Variants in DHRS2 observed in about 807,000 individuals in gnomAD.
The protein encoded by DHRS2 is dehydrogenase/reductase SDR family member 2, mitochondrial.
DHRS2 carries 29 observed loss-of-function variants against 26.3 expected under a neutral mutation model. That is an observed-to-expected ratio of 1.10 (90% CI 0.82 to 1.50). The LOEUF is 1.50. Ranked by LOEUF, DHRS2 falls within the 40% of genes most tolerant of loss-of-function variation. The pLI is 0.00. For missense variants in DHRS2, 439 were observed against 367.1 expected, an observed-to-expected ratio of 1.20 and a Z score of -1.60; for synonymous variants, 164 against 151.3, an observed-to-expected ratio of 1.08 and a Z score of -0.62.
In DHRS2 at chr14:23,645,423, TA is replaced by T; in HGVS notation, c.*171del. The stretch of plus-strand genomic sequence containing the variant: ...AAGAAAAACGCTTCGGCATTCTCCT[TA>T]GGACTTATCTGCTTGTAGATTTGGC... On this transcript the variant is annotated 3_prime_UTR_variant, in exon 9 of 9. Transcript: ENST00000250383. The T allele has an allele frequency of 1.4e-6, 2 of 1,383,172 alleles. No individual in the cohort carries two copies. The highest frequency in any genetic ancestry group is 2.0e-6 in the Non-Finnish European group (2 of 1,021,348). 85.7% of individuals were successfully genotyped at this position (1,383,172 alleles called of 1,614,324 possible). A position where few individuals can be genotyped will look rare whatever the true frequency, so the allele number is the denominator to read the frequency against.
chr14:23,643,042 A>C lies in DHRS2; in HGVS notation c.421-110A>C, dbSNP rs1044075919. On this transcript the variant is annotated intron_variant, in intron 4 of 8. Transcript: ENST00000250383. The stretch of plus-strand genomic sequence containing the variant: ...AGGGGGATTGGTTTCTCTTATATGC[A>C]CATACATTGGGTCTACTGCACAAAT... The C allele has an allele frequency of 5.9e-6, 6 of 1,015,502 alleles. No individual in the cohort carries two copies. The African/African-American group carries it at 7.9e-5, about 13-fold the overall frequency. The allele number at this position is 1,015,502 out of a possible 1,614,324, so 62.9% of individuals were successfully genotyped here. A position where few individuals can be genotyped will look rare whatever the true frequency, so the allele number is the denominator to read the frequency against.
At chr14:23,643,280 AC>A in intron 5 of DHRS2, 61 bp downstream of exon 5, 1 of 1,495,850 alleles carries the variant, frequency 6.7e-7, no homozygotes, top group East Asian at 2.3e-5. Flanking sequence ...GCACAGAAAT[AC>A]AGTCGGTAGC....
rs1024198654 is a variant in DHRS2 at position 23,639,372 on chromosome 14, G to A, written c.318+16G>A. 12 of 1,554,928 alleles carry A rather than the reference G, an allele frequency of 7.7e-6. No homozygotes were observed. The highest frequency in any genetic ancestry group is 6.8e-5 in the African/African-American group (5 of 73,080). On this transcript the variant is annotated intron_variant, in intron 3 of 8. Transcript: ENST00000250383. The stretch of plus-strand genomic sequence containing the variant: ...GGTGGCCAAGGTGAGGGGGCAGGCG[G>A]TGGAAGGACACAGAGAGGGGAACAT...
rs575524227 is a variant in DHRS2, at chr14:23,643,239, G to A, written c.488+20G>A. 3.8e-5 allele frequency: 62 copies of A among 1,613,024 alleles called. 1 individual carries two copies. In the South Asian group the frequency reaches 6.0e-4, roughly 16 times the overall value. ...GAACAGGTATGGCAGGGCGGGGGTGGGGACCAGTCGGAGTTGGGGACCTGA... is the reference window on the plus strand; with the variant it reads ...GAACAGGTATGGCAGGGCGGGGGTGAGGACCAGTCGGAGTTGGGGACCTGA... On this transcript the variant is annotated intron_variant, in intron 5 of 8. Transcript: ENST00000250383.
At chr14:23,641,683 C>A in intron 4 of DHRS2, 1 of 1,289,812 alleles carries the variant, frequency 7.8e-7, no homozygotes. Context: ...AGGGTGGTAC[C>A]CACTTCTGAC....
At chr14:23,633,277 CTG>C (rs1274709025), upstream of DHRS2, among the ~76,000 whole-genome samples, 2 of 152,200 alleles carry the variant, frequency 1.3e-5, no homozygotes, top group Non-Finnish European at 2.9e-5. Flanking sequence ...GCCTGGATGT[CTG>C]TGGCTGGTTT....
At chr14:23,635,098 T>C (rs958112249), upstream of DHRS2, among the ~76,000 whole-genome samples, 2 of 151,974 alleles carry the variant, frequency 1.3e-5, no homozygotes, top group African/African-American at 4.8e-5. Flanking sequence ...GGTCTTGCTC[T>C]CTCTCCCAGG....
At chr14:23,637,426 C>T (rs937462466) in intron 1 of DHRS2, among the ~76,000 whole-genome samples, 1 of 152,150 alleles carries the variant, frequency 6.6e-6, no homozygotes, top group South Asian at 2.1e-4. Context: ...AAAAGCTATT[C>T]CTGAAGCTAG....
At chr14:23,640,103 C>A in intron 4 of DHRS2, 1 of 705,360 alleles carries the variant, frequency 1.4e-6, no homozygotes, top group Non-Finnish European at 2.0e-6. Context: ...CTGGCCCCCA[C>A]ACTTTCTGCT....
At chr14:23,644,320 G>C (rs1445140809) in intron 6 of DHRS2, 89 bp from the exon 7 acceptor site, 10 of 1,585,384 alleles carry the variant, frequency 6.3e-6, no homozygotes, top group Non-Finnish European at 8.6e-6. Context: ...AGGGCTGCTG[G>C]GCCTGTGAGA....
intron 1 of DHRS2, among the ~76,000 whole-genome samples, chr14:23,637,548 T>G (rs981605493): frequency 8.5e-5 from 13 of 152,212 alleles, no homozygotes; most frequent in African/African-American, 2.9e-4. Context: ...CTCTTCTTCA[T>G]TTTTGGGGCA....
At chr14:23,637,286 T>A (rs560028174) in intron 1 of DHRS2, among the ~76,000 whole-genome samples, 30 of 152,310 alleles carry the variant, frequency 2.0e-4, no homozygotes, top group African/African-American at 6.5e-4. Context: ...TAGTAAAAAT[T>A]TCAGGACTCT....
rs1349844832 is a variant in DHRS2, at chr14:23,639,271, C to A, written c.233C>A (p.Ala78Asp). Residue 78 changes from alanine to aspartate, a missense_variant, in exon 3 of 9, where the codon GCC (alanine) becomes GAC (aspartate). By Grantham distance (126) the Ala-to-Asp change is moderately radical. Coordinates refer to ENST00000250383, the MANE Select transcript of DHRS2 (RefSeq NM_005794.4). ...RKQQNVDRAM[A>D]KLQGEGLSVA... is the part of the protein sequence containing the mutation. ...CAGCAGAACGTGGACCGGGCCATGGCCAAGCTGCAGGGGGAGGGGCTGAGT... is the reference window on the plus strand; with the variant it reads ...CAGCAGAACGTGGACCGGGCCATGGACAAGCTGCAGGGGGAGGGGCTGAGT... 4.3e-6 allele frequency: 7 copies of A among 1,611,558 alleles called. No homozygotes were observed. The highest frequency in any genetic ancestry group is 3.3e-4 in the Middle Eastern group (2 of 6,022).
intron 1 of DHRS2, 133 bp downstream of exon 1, chr14:23,636,905 A>C (rs1890329469): frequency 6.6e-6 from 1 of 152,254 alleles, no homozygotes; most frequent in Non-Finnish European, 1.5e-5. Flanking sequence ...CGTGGGTGTC[A>C]GGCTTTCTGG....
rs1594247982 is a variant in DHRS2, at chr14:23,643,074, G to A, written c.421-78G>A. 17 of 1,442,994 alleles carry A rather than the reference G, an allele frequency of 1.2e-5. No individual in the cohort carries two copies. The East Asian group carries it at 3.4e-4, about 29-fold the overall frequency. 89.4% of individuals were successfully genotyped at this position (1,442,994 alleles called of 1,614,324 possible). Reference sequence around the variant, plus strand: ...TTGGGTCTACTGCACAAATTACAGGGCTCCAAGTGTCTTATGAGAGCAGGA... The same window carrying A: ...TTGGGTCTACTGCACAAATTACAGGACTCCAAGTGTCTTATGAGAGCAGGA... On this transcript the variant is annotated intron_variant, in intron 4 of 8. Coordinates refer to ENST00000250383, the MANE Select transcript of DHRS2 (RefSeq NM_005794.4).
At chr14:23,643,804 C>T (rs1397940151) in intron 5 of DHRS2, 1 of 440,586 alleles carries the variant, frequency 2.3e-6, no homozygotes, top group Non-Finnish European at 4.2e-6. Context: ...CACCATCAGC[C>T]TTGGGTGCCT....
rs536991264 is a variant in DHRS2, at chr14:23,641,841, A to G, written c.421-1311A>G. 5 of 1,253,654 alleles carry G rather than the reference A, an allele frequency of 4.0e-6. No homozygotes were observed. The East Asian group carries it at 2.8e-4, about 70-fold the overall frequency. The allele number at this position is 1,253,654 out of a possible 1,614,324, so 77.7% of individuals were successfully genotyped here. A position where few individuals can be genotyped will look rare whatever the true frequency, so the allele number is the denominator to read the frequency against. On this transcript the variant is annotated intron_variant, in intron 4 of 8. Transcript: ENST00000250383. ...AGTGAGATTGGGGGGTGGAAAAAAC[A>G]GTGAACAGTCCTGGTGAGTTGCAGA... is the stretch of plus-strand genomic sequence containing the variant.
At position 23,639,214 on chromosome 14, in the gene DHRS2, AC is replaced by A; in HGVS notation, c.177del (p.Asp59GlufsTer27). 6.2e-7 allele frequency: 1 copy of A among 1,613,760 alleles called. No homozygotes were observed. Among genetic ancestry groups the A allele is most frequent in the South Asian group, 1.1e-5 (1 of 91,036 alleles). On this transcript the variant is annotated frameshift_variant, in exon 3 of 9. Transcript: ENST00000250383. LOFTEE classifies it high-confidence loss of function. ...GFAIARRLAR[D>X]GAHVVISSRK... Reference sequence around the variant, plus strand: ...GCCATCGCCCGACGTCTGGCCCGGGACGGGGCCCACGTGGTCATCAGCAGCC... The same window carrying A: ...GCCATCGCCCGACGTCTGGCCCGGGAGGGGCCCACGTGGTCATCAGCAGCC...
Position 23,644,113 on chromosome 14 carries a change from G to C in DHRS2, c.491G>C (p.Arg164Thr), listed in dbSNP as rs767325331. Reference protein sequence around the residue: ...SQLLPYMENRRGAVILVSSIA... With the variant: ...SQLLPYMENRTGAVILVSSIA... ...CTCTTATGTTTGTCTTGTCTCAGGA[G>C]GGGTGCTGTCATCCTGGTCTCTTCC... Residue 164 changes from arginine (R) to threonine (T), a missense_variant and splice_region_variant, in exon 6 of 9, where the codon AGG becomes ACG. Arg to Thr is a moderately conservative substitution (Grantham distance 71). Coordinates refer to ENST00000250383, the MANE Select transcript of DHRS2 (RefSeq NM_005794.4). The C allele has an allele frequency of 6.2e-7, 1 of 1,614,156 alleles. No homozygotes were observed. Among genetic ancestry groups the C allele is most frequent in the South Asian group, 1.1e-5 (1 of 91,072 alleles).
Sources: gnomAD v4.1 joint callset for allele counts (sites outside exome capture counted in the v4.1 genomes callset) on GRCh38, gnomAD v4.1.1 for gene constraint, MANE v1.5 for transcripts, NCBI Gene and HGNC (gene_info 2026-07-23, HGNC 2026-07-21) for gene names.